The following TMC1 variants were observed in gnomAD, a reference collection of about 807,000 sequenced individuals.
TMC1 encodes the protein transmembrane channel like 1, also known as transmembrane channel-like protein 1.
TMC1 carries 84 observed loss-of-function variants against 105.8 expected under a neutral mutation model. The ratio of observed to expected loss-of-function variants is 0.79; its 90% confidence interval spans 0.67 to 0.95. The LOEUF is 0.95. Among genes scored for constraint, TMC1 ranks in the 40% least tolerant of loss-of-function variants. The pLI, the probability that TMC1 is intolerant of heterozygous loss-of-function variation, is 0.00. For synonymous variants in TMC1, 315 were observed against 311.5 expected, an observed-to-expected ratio of 1.01 and a Z score of -0.12; for missense variants, 817 against 914.1, an observed-to-expected ratio of 0.89 and a Z score of 1.37.
intron 2 of TMC1, among the ~76,000 whole-genome samples, chr9:72,582,244 A>G (rs1009220544): frequency 6.6e-6 from 1 of 152,252 alleles, no homozygotes; most frequent in Non-Finnish European, 1.5e-5. Context: ...GGCGTGAGCC[A>G]CTGTGCTCAG....
chr9:72,770,385 TTA>T (rs35701289), intron 12 of TMC1, among the ~76,000 whole-genome samples: 14,046 of 141,228 alleles, frequency 0.099, 1,094 homozygotes, highest in African/African-American at 0.22. Context: ...ATATAAATCT[TTA>T]TATATATATA....
chr9:72,796,383 A>G (rs1201169341), intron 17 of TMC1, among the ~76,000 whole-genome samples: 1 of 152,208 alleles, frequency 6.6e-6, no homozygotes, highest in Non-Finnish European at 1.5e-5. Flanking sequence ...TGAGGCCAGT[A>G]TCATTCTGCT....
intron 1 of TMC1, among the ~76,000 whole-genome samples, chr9:72,566,621 CAGA>C (rs1403773037): frequency 1.3e-5 from 2 of 152,178 alleles, no homozygotes; most frequent in African/African-American, 4.8e-5. Flanking sequence ...AGGCTGCAAA[CAGA>C]AGGAGCCCAC....
chr9:72,647,976 A>G (rs1036812892), intron 4 of TMC1, among the ~76,000 whole-genome samples: 1 of 152,126 alleles, frequency 6.6e-6, no homozygotes, highest in Non-Finnish European at 1.5e-5. Flanking sequence ...TTCCTAGGAG[A>G]AGTTTCAATA....
intron 4 of TMC1, among the ~76,000 whole-genome samples, chr9:72,642,643 A>G (rs1187495628): frequency 6.6e-6 from 1 of 152,226 alleles, no homozygotes; most frequent in East Asian, 1.9e-4. Context: ...AACATTTTAT[A>G]TTGTCAATTC....
At chr9:72,685,362 A>ATTTT (rs35423971) in intron 5 of TMC1, among the ~76,000 whole-genome samples, 1 of 125,614 alleles carries the variant, frequency 8.0e-6, no homozygotes, top group Non-Finnish European at 1.7e-5. Context: ...CGCCTTGGCC[A>ATTTT]TTTTTTTTTT....
At chr9:72,541,120 C>T (rs1255540108) in intron 1 of TMC1, among the ~76,000 whole-genome samples, 1 of 152,162 alleles carries the variant, frequency 6.6e-6, no homozygotes, top group African/African-American at 2.4e-5. Flanking sequence ...TCTCTAGCCC[C>T]ATAATCTTTG....
intron 18 of TMC1, among the ~76,000 whole-genome samples, chr9:72,806,837 A>G (rs1276045558): frequency 6.6e-6 from 1 of 151,248 alleles, no homozygotes; most frequent in Non-Finnish European, 1.5e-5. Flanking sequence ...CCAGGCAGAG[A>G]CGCTCCTCAC....
chr9:72,631,375 C>T (rs1400891597), intron 4 of TMC1, among the ~76,000 whole-genome samples: 2 of 151,998 alleles, frequency 1.3e-5, no homozygotes, highest in Non-Finnish European at 2.9e-5. Context: ...GGAGCATGTG[C>T]GTAATTCGTT....
At position 72,683,733 on chromosome 9, in the gene TMC1, TTATATATATATATATATATATA is replaced by T. The variant is rs58007608; in HGVS notation, c.17-4956_17-4935del. On this transcript the variant is annotated intron_variant, in intron 5 of 23. Coordinates refer to ENST00000297784, the MANE Select transcript of TMC1 (RefSeq NM_138691.3). ...TCTGAGTTAACCTGAGTTACACATTTTATATATATATATATATATATATATATATATATATATATATGTTAAA... is the reference window on the plus strand; with the variant it reads ...TCTGAGTTAACCTGAGTTACACATTTTATATATATATATATATATGTTAAA... 1.8e-3 allele frequency among the ~76,000 whole-genome samples: 97 copies of T among 53,400 alleles called. 4 individuals are homozygous for T. In the South Asian group the frequency reaches 0.047, roughly 26 times the overall value. 35.0% of individuals were successfully genotyped at this position (53,400 alleles called of 152,430 possible). A position where few individuals can be genotyped will look rare whatever the true frequency, so the allele number is the denominator to read the frequency against.
At chr9:72,613,096 A>T (rs995707854) in intron 2 of TMC1, among the ~76,000 whole-genome samples, 4 of 151,800 alleles carry the variant, frequency 2.6e-5, no homozygotes, top group Non-Finnish European at 4.4e-5. Flanking sequence ...TACTTTTCAT[A>T]AAAAGTGGTG....
intron 5 of TMC1, among the ~76,000 whole-genome samples, chr9:72,655,673 G>T (rs1446313747): frequency 6.6e-6 from 1 of 151,734 alleles, no homozygotes; most frequent in Non-Finnish European, 1.5e-5. Flanking sequence ...ACCCGGGAGG[G>T]GGAGCCTGCA....
At chr9:72,624,551 A>G (rs1825312636) in intron 3 of TMC1, among the ~76,000 whole-genome samples, 1 of 152,202 alleles carries the variant, frequency 6.6e-6, no homozygotes, top group Non-Finnish European at 1.5e-5. Context: ...TGTTGCTCAT[A>G]GTTTTCCCCA....
At position 72,789,091 on chromosome 9, in the gene TMC1, T is replaced by TTTTG. The variant is rs745417408; in HGVS notation, c.1030-16_1030-13dup. 1.7e-5 allele frequency: 28 copies of TTTTG among 1,605,196 alleles called. No individual in the cohort carries two copies. The East Asian group carries it at 2.9e-4, about 17-fold the overall frequency. ...GTAGCTAAGATATTCTATTTTGGGT[T>TTTTG]TTTGTTTGTTTGTTTGTTTTCATGG... On this transcript the variant is annotated intron_variant, in intron 14 of 23. Coordinates refer to ENST00000297784, the MANE Select transcript of TMC1 (RefSeq NM_138691.3).
chr9:72,800,087 C>G (rs1828444736), intron 17 of TMC1, among the ~76,000 whole-genome samples: 2 of 152,140 alleles, frequency 1.3e-5, no homozygotes, highest in Non-Finnish European at 2.9e-5. Flanking sequence ...TTCTGACTTC[C>G]AGAACTGTAA....
intron 5 of TMC1, among the ~76,000 whole-genome samples, chr9:72,673,692 T>C (rs973717905): frequency 5.3e-5 from 8 of 152,160 alleles, no homozygotes; most frequent in African/African-American, 1.7e-4. Flanking sequence ...AAATTACTTA[T>C]ATGACACAAT....
chr9:72,738,930 C>G (rs910317266), intron 8 of TMC1, among the ~76,000 whole-genome samples: 2 of 152,030 alleles, frequency 1.3e-5, no homozygotes, highest in Non-Finnish European at 2.9e-5. Context: ...CTGCAGCCCC[C>G]GAGAGCTGAA....
chr9:72,655,878 C>G, intron 5 of TMC1: 1 of 769,216 alleles, frequency 1.3e-6, no homozygotes, highest in African/African-American at 1.7e-5. Flanking sequence ...TGGCTCAATA[C>G]TGATGGAAGT....
intron 8 of TMC1, among the ~76,000 whole-genome samples, chr9:72,725,890 C>G (rs1411758881): frequency 6.6e-6 from 1 of 152,008 alleles, no homozygotes; most frequent in Admixed American, 6.6e-5. Flanking sequence ...CAGGGTTTCA[C>G]TGTGTTAGCC....
Sources: allele counts gnomAD v4.1 joint callset (sites outside exome capture counted in the v4.1 genomes callset), GRCh38; gene constraint gnomAD v4.1.1; transcripts MANE v1.5; gene names NCBI Gene and HGNC (gene_info 2026-07-23, HGNC 2026-07-21).